The following DCC variants were observed in gnomAD, a reference collection of about 807,000 sequenced individuals.
DCC encodes the protein netrin receptor DCC.
Under a neutral mutation model 172.5 loss-of-function variants are expected in DCC, and 58 were observed. The observed-to-expected ratio is 0.34, with a 90% CI of 0.27 to 0.42. The LOEUF is 0.42. Ranked by LOEUF, DCC falls within the 10% of genes least tolerant of loss-of-function variation. The pLI, the probability that DCC is intolerant of heterozygous loss-of-function variation, is 1.00. For synonymous variants in DCC, 709 were observed against 644.5 expected (o/e 1.10, Z -1.52); for missense variants, 1,740 against 1,791.0 (o/e 0.97, Z 0.51).
chr18:53,232,331 C>A (rs2056135304), intron 12 of DCC, among the ~76,000 whole-genome samples: 1 of 152,142 alleles, frequency 6.6e-6, no homozygotes, highest in Admixed American at 6.6e-5. Context: ...ATTAGACATC[C>A]CTTAAGAGTA....
At chr18:53,425,357 C>CTTTTTTGT (rs1555669864) in intron 21 of DCC, among the ~76,000 whole-genome samples, 3 of 101,650 alleles carry the variant, frequency 3.0e-5, no homozygotes, top group South Asian at 3.4e-4. Context: ...TTTCTCCTCT[C>CTTTTTTGT]TTTTTTTTTT....
intron 15 of DCC, among the ~76,000 whole-genome samples, chr18:53,366,162 T>C (rs1437357545): frequency 6.6e-6 from 1 of 152,126 alleles, no homozygotes; most frequent in East Asian, 1.9e-4. Context: ...GTTCAAGTGA[T>C]TCTCCTGCCT....
At position 53,322,085 on chromosome 18, in the gene DCC, G is replaced by A. The variant is rs1324286936; in HGVS notation, c.2092G>A (p.Ala698Thr). The A allele has an allele frequency of 3.1e-6, 5 of 1,609,912 alleles. No homozygotes were observed. The highest frequency in any genetic ancestry group is 1.6e-4 in the Middle Eastern group (1 of 6,066). ...KGSQYSFQVS[A>T]MTVNGTGPPS... ...AAGTCAGTACAGTTTCCAGGTGTCA[G>A]CCATGACAGTCAATGGTACTGGACC... The change falls in exon 14 of 29, where the codon GCC (alanine) becomes ACC (threonine). Residue 698 changes from alanine (A) to threonine (T), a missense_variant. Coordinates refer to ENST00000442544, the MANE Select transcript of DCC (RefSeq NM_005215.4).
chr18:52,468,155 T>C (rs1039463737), intron 1 of DCC, among the ~76,000 whole-genome samples: 3 of 152,184 alleles, frequency 2.0e-5, no homozygotes, highest in Non-Finnish European at 4.4e-5. Flanking sequence ...AGCTCTCTTA[T>C]AGCAGCTCGT....
chr18:52,986,322 A>T (rs2041292180), intron 5 of DCC, among the ~76,000 whole-genome samples: 2 of 152,154 alleles, frequency 1.3e-5, no homozygotes, highest in African/African-American at 4.8e-5. Flanking sequence ...ATTGGTAATG[A>T]TGCTTCAGCA....
intron 18 of DCC, 67 bp downstream of exon 18, chr18:53,397,513 A>G: frequency 1.3e-6 from 2 of 1,557,664 alleles, no homozygotes; most frequent in Non-Finnish European, 1.8e-6. Flanking sequence ...GGAAATTAGA[A>G]CATGTGTTCC....
intron 1 of DCC, among the ~76,000 whole-genome samples, chr18:52,560,771 C>G (rs980145904): frequency 3.9e-5 from 6 of 152,002 alleles, no homozygotes; most frequent in Admixed American, 2.6e-4. Context: ...GTATATGTGT[C>G]TTTTATTTGG....
chr18:52,668,189 G>T (rs1674665559), intron 1 of DCC, among the ~76,000 whole-genome samples: 1 of 152,200 alleles, frequency 6.6e-6, no homozygotes, highest in Non-Finnish European at 1.5e-5. Flanking sequence ...CAATGGAAAA[G>T]AGGTGACTTT....
At chr18:52,484,682 C>T (rs4940182) in intron 1 of DCC, among the ~76,000 whole-genome samples, 8,775 of 151,470 alleles carry the variant, frequency 0.058, 312 homozygotes, top group South Asian at 0.12. Flanking sequence ...TAGAAGTGCC[C>T]AAACAGATTG....
intron 1 of DCC, among the ~76,000 whole-genome samples, chr18:52,465,216 C>A: frequency 6.6e-6 from 1 of 152,066 alleles, no homozygotes; most frequent in Admixed American, 6.5e-5. Flanking sequence ...TAGTAAAGTA[C>A]TAGAAATTGC....
intron 21 of DCC, chr18:53,416,481 T>C (rs1478129204): frequency 2.2e-6 from 1 of 455,738 alleles, no homozygotes; most frequent in African/African-American, 2.0e-5. Context: ...AAGCTCAGCA[T>C]AATTTTCAAG....
At chr18:53,526,808 G>A in intron 28 of DCC, 49 bp downstream of exon 28, 1 of 1,604,746 alleles carries the variant, frequency 6.2e-7, no homozygotes, top group Non-Finnish European at 8.5e-7. Flanking sequence ...AGATTGACTG[G>A]CGCTGTGTAA....
At chr18:52,856,638 A>AAAAAAG (rs1598871947) in intron 2 of DCC, among the ~76,000 whole-genome samples, 2 of 150,236 alleles carry the variant, frequency 1.3e-5, no homozygotes, top group South Asian at 2.1e-4. Context: ...AAAAAAAAAA[A>AAAAAAG]AAAAAGAAAA....
At chr18:52,721,545 C>A (rs918263969) in intron 1 of DCC, among the ~76,000 whole-genome samples, 4 of 152,140 alleles carry the variant, frequency 2.6e-5, no homozygotes, top group African/African-American at 7.2e-5. Context: ...TAATATCTTA[C>A]CTAGAAAGAG....
intron 5 of DCC, among the ~76,000 whole-genome samples, chr18:53,025,417 G>T (rs1012070471): frequency 5.3e-5 from 8 of 152,084 alleles, no homozygotes; most frequent in Admixed American, 5.2e-4. Context: ...TAACAGGATT[G>T]TTTGCCTTAG....
chr18:53,106,997 A>G (rs1213551940), intron 7 of DCC, among the ~76,000 whole-genome samples: 1 of 151,962 alleles, frequency 6.6e-6, no homozygotes, highest in African/African-American at 2.4e-5. Context: ...ACATAGGGAC[A>G]TCAGGACATT....
chr18:52,971,510 C>T lies in DCC; in HGVS notation c.985+46140C>T, dbSNP rs571579176. 3.6e-3 allele frequency among the ~76,000 whole-genome samples: 542 copies of T among 151,302 alleles called. 1 individual carries two copies. Among genetic ancestry groups the T allele is most frequent in the Non-Finnish European group, 5.9e-3 (397 of 67,776 alleles). On this transcript the variant is annotated intron_variant, in intron 5 of 28. Coordinates refer to ENST00000442544, the MANE Select transcript of DCC (RefSeq NM_005215.4). ...GGAGAGGTGTGCGTGTGTGTGTGCG[C>T]GCACACACACACACACACGCACGCA...
chr18:53,287,351 G>A (rs1266125980), intron 12 of DCC, among the ~76,000 whole-genome samples: 1 of 152,064 alleles, frequency 6.6e-6, no homozygotes, highest in African/African-American at 2.4e-5. Context: ...TCCATTGTAT[G>A]GATATACTAC....
intron 1 of DCC, among the ~76,000 whole-genome samples, chr18:52,504,798 C>A (rs1200036300): frequency 6.6e-6 from 1 of 151,984 alleles, no homozygotes; most frequent in African/African-American, 2.4e-5. Flanking sequence ...GTGTAAAAGC[C>A]ACCAACCTCA....
Sources: gnomAD v4.1 joint callset for allele counts (sites outside exome capture counted in the v4.1 genomes callset) on GRCh38, gnomAD v4.1.1 for gene constraint, MANE v1.5 for transcripts, NCBI Gene and HGNC (gene_info 2026-07-23, HGNC 2026-07-21) for gene names.